Variants in LRRC4C observed in about 807,000 individuals in gnomAD.
LRRC4C encodes leucine rich repeat containing 4C.
In LRRC4C, 5 loss-of-function variants were observed where a neutral mutation model predicts 33.6. That is an observed-to-expected ratio of 0.15 (90% CI 0.08 to 0.31). The LOEUF is 0.31. Among genes scored for constraint, LRRC4C ranks in the 10% least tolerant of loss-of-function variants. The probability of loss-of-function intolerance (pLI) is 1.00; values close to 1 mark genes in which losing one functional copy is unlikely to be tolerated. For missense variants in LRRC4C, 560 were observed against 796.7 expected (o/e 0.70, Z 3.58); for synonymous variants, 329 against 302.0 (o/e 1.09, Z -0.93).
intron 1 of LRRC4C, among the ~76,000 whole-genome samples, chr11:41,319,444 G>A (rs902901208): frequency 6.6e-6 from 1 of 152,142 alleles, no homozygotes; most frequent in African/African-American, 2.4e-5. Flanking sequence ...TCCAGAATGA[G>A]ACAACAAGTT....
intron 3 of LRRC4C, among the ~76,000 whole-genome samples, chr11:40,530,929 G>A (rs1026045831): frequency 3.9e-5 from 6 of 152,108 alleles, no homozygotes; most frequent in Non-Finnish European, 7.4e-5. Context: ...TAGTGACCCT[G>A]TCATGGAACT....
At chr11:40,733,821 G>C (rs7115537) in intron 2 of LRRC4C, among the ~76,000 whole-genome samples, 124,280 of 152,026 alleles carry the variant, frequency 0.82, 50,962 homozygotes, top group African/African-American at 0.88. Flanking sequence ...CCTAAGACCC[G>C]AAAATACATA....
At chr11:40,406,119 A>G (rs1200150951) in intron 3 of LRRC4C, among the ~76,000 whole-genome samples, 1 of 152,142 alleles carries the variant, frequency 6.6e-6, no homozygotes, top group Non-Finnish European at 1.5e-5. Context: ...AATAGCCTCT[A>G]TATTTTCTAA....
intron 2 of LRRC4C, among the ~76,000 whole-genome samples, chr11:40,691,230 T>C (rs1945207919): frequency 6.6e-6 from 1 of 152,006 alleles, no homozygotes; most frequent in Non-Finnish European, 1.5e-5. Flanking sequence ...GTGGGGTTCA[T>C]AGGGACCTCT....
At chr11:40,731,798 C>G (rs1180059653) in intron 2 of LRRC4C, among the ~76,000 whole-genome samples, 2 of 152,114 alleles carry the variant, frequency 1.3e-5, no homozygotes, top group East Asian at 1.9e-4. Flanking sequence ...TAGTAGGTCA[C>G]AGTTAACAAA....
intron 3 of LRRC4C, among the ~76,000 whole-genome samples, chr11:40,462,210 T>C (rs950726177): frequency 6.6e-5 from 10 of 152,204 alleles, no homozygotes; most frequent in African/African-American, 2.2e-4. Flanking sequence ...AAACTAAACA[T>C]TCTTTCTATT....
At chr11:40,841,545 G>C (rs1952913842) in intron 2 of LRRC4C, among the ~76,000 whole-genome samples, 1 of 152,200 alleles carries the variant, frequency 6.6e-6, no homozygotes, top group African/African-American at 2.4e-5. Flanking sequence ...TTTAGGGAAA[G>C]GCTGCTTGAG....
At position 41,376,979 on chromosome 11, in the gene LRRC4C, T is replaced by C. The variant is rs549698203; in HGVS notation, c.-496+82452A>G. Among the ~76,000 whole-genome samples the C allele has an allele frequency of 9.5e-4, 145 of 152,226 alleles. 1 individual carries two copies. Among genetic ancestry groups the C allele is most frequent in the Non-Finnish European group, 1.8e-3 (119 of 67,998 alleles). ...TTATGAAAGAGAAAAGGGCTTCAAC[T>C]AATAAAATGGGTTAAATCTAACATT... On this transcript the variant is annotated intron_variant, in intron 1 of 6. Coordinates refer to ENST00000528697, the MANE Select transcript of LRRC4C (RefSeq NM_001258419.2).
chr11:40,873,920 T>G (rs1449512057), intron 2 of LRRC4C, among the ~76,000 whole-genome samples: 2 of 152,222 alleles, frequency 1.3e-5, no homozygotes, highest in Admixed American at 1.3e-4. Flanking sequence ...ATAGGATATT[T>G]GTAAAAACCA....
At chr11:41,210,074 G>A (rs911902966) in intron 1 of LRRC4C, among the ~76,000 whole-genome samples, 1 of 152,140 alleles carries the variant, frequency 6.6e-6, no homozygotes, top group Non-Finnish European at 1.5e-5. Flanking sequence ...AACCAACCCT[G>A]TTGGCACCTT....
intron 3 of LRRC4C, among the ~76,000 whole-genome samples, chr11:40,374,957 C>A (rs1222570096): frequency 6.6e-6 from 1 of 152,112 alleles, no homozygotes; most frequent in East Asian, 1.9e-4. Flanking sequence ...AGCTGGCAAG[C>A]AACTATGTTT....
At chr11:40,660,400 G>T (rs544745644) in intron 2 of LRRC4C, among the ~76,000 whole-genome samples, 2 of 152,208 alleles carry the variant, frequency 1.3e-5, no homozygotes, top group Admixed American at 6.5e-5. Context: ...GGCACCACTG[G>T]CCACAGAAGT....
intron 1 of LRRC4C, among the ~76,000 whole-genome samples, chr11:41,198,706 C>T (rs1015534347): frequency 2.0e-5 from 3 of 151,812 alleles, no homozygotes; most frequent in African/African-American, 2.4e-5. Context: ...CACGGTGGCC[C>T]TCTTTAAGTT....
At chr11:40,733,002 C>T (rs2136806882) in intron 2 of LRRC4C, among the ~76,000 whole-genome samples, 1 of 147,080 alleles carries the variant, frequency 6.8e-6, no homozygotes, top group African/African-American at 2.5e-5. Context: ...CATCTAGTAA[C>T]TACCATCACA....
At chr11:40,910,657 AG>A (rs766660386) in intron 2 of LRRC4C, among the ~76,000 whole-genome samples, 11 of 152,160 alleles carry the variant, frequency 7.2e-5, no homozygotes, top group Non-Finnish European at 1.6e-4. Context: ...TTTCCAACTG[AG>A]GTACCAGGTT....
At chr11:40,774,527 T>C (rs1257952971) in intron 2 of LRRC4C, among the ~76,000 whole-genome samples, 2 of 152,158 alleles carry the variant, frequency 1.3e-5, no homozygotes, top group Non-Finnish European at 2.9e-5. Flanking sequence ...GAGGAAATAC[T>C]TTCTAATCAT....
intron 1 of LRRC4C, among the ~76,000 whole-genome samples, chr11:40,977,406 G>T (rs1201744847): frequency 6.6e-6 from 1 of 152,066 alleles, no homozygotes; most frequent in Admixed American, 6.5e-5. Flanking sequence ...CAACGTATCT[G>T]TAGGATGTCC....
chr11:40,914,602 G>A (rs913949833), intron 2 of LRRC4C, among the ~76,000 whole-genome samples: 4 of 152,128 alleles, frequency 2.6e-5, no homozygotes, highest in Non-Finnish European at 4.4e-5. Context: ...TACTGAATGG[G>A]CAAAAACTGG....
At chr11:40,456,591 G>A (rs1403229088) in intron 3 of LRRC4C, among the ~76,000 whole-genome samples, 2 of 151,988 alleles carry the variant, frequency 1.3e-5, no homozygotes, top group East Asian at 3.9e-4. Context: ...ATGGAGAAAA[G>A]AGAGGGAGAG....
Sources: gnomAD v4.1 joint callset for allele counts (sites outside exome capture counted in the v4.1 genomes callset) on GRCh38, gnomAD v4.1.1 for gene constraint, MANE v1.5 for transcripts, NCBI Gene and HGNC (gene_info 2026-07-23, HGNC 2026-07-21) for gene names.